Variants in DEPDC5 observed in about 807,000 individuals in gnomAD.
DEPDC5 encodes the protein GATOR1 complex protein DEPDC5.
Under a neutral mutation model 217.3 loss-of-function variants are expected in DEPDC5, and 73 were observed. That is an observed-to-expected ratio of 0.34 (90% CI 0.28 to 0.41). The LOEUF (loss-of-function observed/expected upper bound fraction) is 0.41. Ranked by LOEUF, DEPDC5 falls within the 10% of genes least tolerant of loss-of-function variation. The pLI, the probability that DEPDC5 is intolerant of heterozygous loss-of-function variation, is 1.00. For synonymous variants in DEPDC5, 733 were observed against 756.7 expected, an observed-to-expected ratio of 0.97 and a Z score of 0.51; for missense variants, 1,675 against 2,070.1, an observed-to-expected ratio of 0.81 and a Z score of 3.70.
intron 32 of DEPDC5, chr22:31,857,771 A>G: frequency 2.3e-6 from 1 of 439,486 alleles, no homozygotes; most frequent in Non-Finnish European, 4.0e-6. Flanking sequence ...AAATCCGGAT[A>G]TAAAACGGTC....
At chr22:31,866,948 C>T (rs1287860118) in intron 33 of DEPDC5, among the ~76,000 whole-genome samples, 2 of 152,228 alleles carry the variant, frequency 1.3e-5, no homozygotes, top group African/African-American at 4.8e-5. Flanking sequence ...TGTTAGCCAT[C>T]TCTACTATGA....
At chr22:31,875,570 G>A (rs1282586023) in intron 36 of DEPDC5, 1 of 150,020 alleles carries the variant, frequency 6.7e-6, no homozygotes, top group Non-Finnish European at 1.5e-5. Context: ...AAGAATATCT[G>A]AAATCAGTAT....
chr22:31,889,541 C>CTT lies in DEPDC5; in HGVS notation c.4034-4017_4034-4016dup, dbSNP rs136874. Among the ~76,000 whole-genome samples the CTT allele has an allele frequency of 9.9e-3, 980 of 99,302 alleles. 6 individuals are homozygous for CTT. Among genetic ancestry groups the CTT allele is most frequent in the Non-Finnish European group, 0.015 (748 of 49,070 alleles). 65.1% of individuals were successfully genotyped at this position (99,302 alleles called of 152,430 possible). The stretch of plus-strand genomic sequence containing the variant: ...TGTCCAAGACCAGAGGGCAAAACTT[C>CTT]TTTTTTTTTTTTTTTTTTTTTTTTT... On this transcript the variant is annotated intron_variant, in intron 38 of 42. Transcript: ENST00000651528.
intron 14 of DEPDC5, among the ~76,000 whole-genome samples, chr22:31,800,315 G>A (rs1487915272): frequency 1.3e-5 from 2 of 152,142 alleles, no homozygotes; most frequent in African/African-American, 4.8e-5. Context: ...TCAAGATGGA[G>A]TTGCTCTGGT....
chr22:31,765,894 A>G (rs114410752), intron 5 of DEPDC5, among the ~76,000 whole-genome samples: 1,585 of 152,126 alleles, frequency 0.01, 34 homozygotes, highest in African/African-American at 0.037. Context: ...GTGGTGGCGC[A>G]CCCCTGAAGT....
rs1174391765 is a variant in DEPDC5, at chr22:31,907,237, A to G, written c.*740A>G. Reference sequence around the variant, plus strand: ...CCAGTGAGGACAGTGAGCAGGCAGTATAACTTACAAGGTAACTGCAGGCTC... The same window carrying G: ...CCAGTGAGGACAGTGAGCAGGCAGTGTAACTTACAAGGTAACTGCAGGCTC... On this transcript the variant is annotated 3_prime_UTR_variant, in exon 43 of 43. Transcript: ENST00000651528. 6.6e-6 allele frequency: 1 copy of G among 152,372 alleles called. No individual in the cohort carries two copies. The highest frequency in any genetic ancestry group is 2.4e-5 in the African/African-American group (1 of 41,474). The allele number at this position is 152,372 out of a possible 1,614,324, so 9.4% of individuals were successfully genotyped here.
At chr22:31,758,087 C>T (rs1300160579) in intron 2 of DEPDC5, among the ~76,000 whole-genome samples, 2 of 152,126 alleles carry the variant, frequency 1.3e-5, no homozygotes, top group Non-Finnish European at 2.9e-5. Context: ...TTTCTTACTC[C>T]TGTTAGATCT....
chr22:31,810,569 A>T lies in DEPDC5; in HGVS notation c.1373A>T (p.Asp458Val). ...ESENALPIQV[D>V]YDAYDAQVFR... Reference sequence around the variant, plus strand: ...GAGAACGCCCTTCCCATCCAAGTAGATTATGACGCCTATGACGCTCAAGTG... The same window carrying T: ...GAGAACGCCCTTCCCATCCAAGTAGTTTATGACGCCTATGACGCTCAAGTG... The change falls in exon 20 of 43, where the codon GAT (aspartate) becomes GTT (valine). Residue 458 changes from aspartate to valine, a missense_variant. Asp to Val is a radical substitution (Grantham distance 152). This residue lies in a region of DEPDC5 where 628 missense variants were observed against 762.1 expected (regional missense o/e 0.82). Coordinates refer to ENST00000651528, the MANE Select transcript of DEPDC5 (RefSeq NM_001242896.3). The T allele has an allele frequency of 6.2e-7, 1 of 1,614,130 alleles. No homozygotes were observed. Among genetic ancestry groups the T allele is most frequent in the Non-Finnish European group, 8.5e-7 (1 of 1,180,032 alleles).
Position 31,907,722 on chromosome 22 carries a change from G to A in DEPDC5, c.*1225G>A, listed in dbSNP as rs957513631. On this transcript the variant is annotated 3_prime_UTR_variant, in exon 43 of 43. Transcript: ENST00000651528. ...ATTTGCTGAGATAAGACTCAGCTTG[G>A]TGCTTCACCTCAGCACCCTGCCTTA... is the stretch of plus-strand genomic sequence containing the variant. The A allele has an allele frequency of 6.6e-6, 1 of 152,218 alleles. No individual in the cohort carries two copies. The highest frequency in any genetic ancestry group is 2.4e-5 in the African/African-American group (1 of 41,400). The allele number at this position is 152,218 out of a possible 1,614,324, so 9.4% of individuals were successfully genotyped here. A position where few individuals can be genotyped will look rare whatever the true frequency, so the allele number is the denominator to read the frequency against.
At chr22:31,838,581 A>G in intron 26 of DEPDC5, 104 bp from the exon 27 acceptor site, 2 of 1,449,710 alleles carry the variant, frequency 1.4e-6, no homozygotes, top group South Asian at 1.3e-5. Context: ...CCACCATAGA[A>G]TGGTTATAAG....
At chr22:31,823,532 C>CAAAAAA in intron 24 of DEPDC5, among the ~76,000 whole-genome samples, 1 of 52,220 alleles carries the variant, frequency 1.9e-5, no homozygotes, top group East Asian at 5.5e-4. Context: ...GACTCCATCT[C>CAAAAAA]AAAAAAAAAA....
At position 31,874,541 on chromosome 22, in the gene DEPDC5, C is replaced by G. The variant is rs1380492616; in HGVS notation, c.3696+136C>G. 3.8e-5 allele frequency: 41 copies of G among 1,084,094 alleles called. No individual in the cohort carries two copies. In the Admixed American group the frequency reaches 1.2e-3, roughly 33 times the overall value. The allele number at this position is 1,084,094 out of a possible 1,614,324, so 67.2% of individuals were successfully genotyped here. ...GGATTTTTTTTAATAAGTGGGAGGCCTTTCTGGAATTGATGAAAGAACAAG... is the reference window on the plus strand; with the variant it reads ...GGATTTTTTTTAATAAGTGGGAGGCGTTTCTGGAATTGATGAAAGAACAAG... On this transcript the variant is annotated intron_variant, in intron 36 of 42. Coordinates refer to ENST00000651528, the MANE Select transcript of DEPDC5 (RefSeq NM_001242896.3).
intron 24 of DEPDC5, among the ~76,000 whole-genome samples, chr22:31,829,679 C>T (rs1231692180): frequency 1.3e-5 from 2 of 152,158 alleles, no homozygotes; most frequent in African/African-American, 4.8e-5. Context: ...AATCATGATT[C>T]ACAGGAGTAT....
rs2082845308 is a variant in DEPDC5, at chr22:31,766,673, G to C, written c.363+5G>C. On this transcript the variant is annotated splice_donor_5th_base_variant and intron_variant, in intron 6 of 42. Transcript: ENST00000651528. The stretch of plus-strand genomic sequence containing the variant: ...TGGCGACTAAAGAAAAGTTTGGTAA[G>C]ATGTGATTTTTTTTGAAAGTCTGTT... The C allele has an allele frequency of 6.2e-7, 1 of 1,611,950 alleles. No homozygotes were observed. The highest frequency in any genetic ancestry group is 8.5e-7 in the Non-Finnish European group (1 of 1,179,394).
chr22:31,879,117 CACAT>C (rs1288621613), intron 37 of DEPDC5, among the ~76,000 whole-genome samples: 4 of 128,680 alleles, frequency 3.1e-5, no homozygotes, highest in Admixed American at 2.4e-4. Context: ...CATATATATA[CACAT>C]ATATATATAC....
rs373503695 is a variant in DEPDC5, at chr22:31,813,621, C to T, written c.1446-1371C>T. On this transcript the variant is annotated intron_variant, in intron 20 of 42. Coordinates refer to ENST00000651528, the MANE Select transcript of DEPDC5 (RefSeq NM_001242896.3). ...TCTATAGGGCTTCTTTCTTTTTGATCCTTCTTCCTGTTGCTTTTAGAGGTT... is the reference window on the plus strand; with the variant it reads ...TCTATAGGGCTTCTTTCTTTTTGATTCTTCTTCCTGTTGCTTTTAGAGGTT... Among the ~76,000 whole-genome samples the T allele has an allele frequency of 4.7e-4, 72 of 151,698 alleles. 2 individuals carry two copies. In the South Asian group the frequency reaches 0.013, roughly 28 times the overall value.
In DEPDC5 at chr22:31,759,972, C is replaced by T. The variant is rs148168222; in HGVS notation, c.147-684C>T. 6.0e-3 allele frequency among the ~76,000 whole-genome samples: 919 copies of T among 152,070 alleles called. 15 individuals are homozygous for T. The highest frequency in any genetic ancestry group is 0.021 in the African/African-American group (858 of 41,494). On this transcript the variant is annotated intron_variant, in intron 3 of 42. Coordinates refer to ENST00000651528, the MANE Select transcript of DEPDC5 (RefSeq NM_001242896.3). ...TGTTGGGATTATAGGCATGAGCCAC[C>T]GAGCCCAGCCTCTTTCTGGTTTTAA...
chr22:31,903,473 CCT>C (rs1569247711), intron 41 of DEPDC5, among the ~76,000 whole-genome samples: 1 of 38,972 alleles, frequency 2.6e-5, no homozygotes. Flanking sequence ...ACCTAAACCC[CCT>C]CACCTTCCAC....
intron 37 of DEPDC5, among the ~76,000 whole-genome samples, chr22:31,877,359 C>T (rs1230926236): frequency 1.4e-5 from 2 of 142,820 alleles, no homozygotes; most frequent in African/African-American, 5.4e-5. Flanking sequence ...ATCGCTTGAA[C>T]CCAGGAGGCA....
Sources: allele counts gnomAD v4.1 joint callset (sites outside exome capture counted in the v4.1 genomes callset), GRCh38; gene constraint gnomAD v4.1.1; regional missense constraint gnomAD v4.1.1; transcripts MANE v1.5; gene names NCBI Gene and HGNC (gene_info 2026-07-23, HGNC 2026-07-21).